Variants in ZFHX3 observed in about 807,000 individuals in gnomAD.
ZFHX3 encodes the protein zinc finger homeobox 3.
In ZFHX3, 42 loss-of-function variants were observed where a neutral mutation model predicts 279.1. The observed-to-expected ratio is 0.15, with a 90% confidence interval of 0.12 to 0.19. The LOEUF (loss-of-function observed/expected upper bound fraction) is 0.19, where lower values mean the gene tolerates loss of function less well. ZFHX3 is among the 10% of genes least tolerant of loss of function. The pLI is 1.00. For missense variants in ZFHX3, 4,981 were observed against 4,754.0 expected, an observed-to-expected ratio of 1.05 and a Z score of -1.40; for synonymous variants, 2,293 against 1,957.8, an observed-to-expected ratio of 1.17 and a Z score of -4.52.
chr16:73,584,712 T>C (rs1044598837), intron 2 of ZFHX3, among the ~76,000 whole-genome samples: 4 of 152,174 alleles, frequency 2.6e-5, no homozygotes, highest in Non-Finnish European at 5.9e-5. Flanking sequence ...CCAAAAGCAA[T>C]TGCAACAAAA....
chr16:73,495,623 C>T (rs2143654581), intron 2 of ZFHX3, among the ~76,000 whole-genome samples: 1 of 152,290 alleles, frequency 6.6e-6, no homozygotes, highest in South Asian at 2.1e-4. Flanking sequence ...ACAATCTCAC[C>T]TCAACACGCT....
chr16:73,177,252 T>C (rs1448798739), intron 5 of ZFHX3, among the ~76,000 whole-genome samples: 1 of 152,136 alleles, frequency 6.6e-6, no homozygotes, highest in Non-Finnish European at 1.5e-5. Context: ...AAAATAAAAA[T>C]ATCTTCCATT....
chr16:73,401,953 T>A (rs903202166), intron 3 of ZFHX3: 2 of 152,190 alleles, frequency 1.3e-5, no homozygotes, highest in African/African-American at 4.8e-5. Flanking sequence ...ATCCAGCTTT[T>A]CATAGGCAAG....
intron 5 of ZFHX3, among the ~76,000 whole-genome samples, chr16:73,181,485 G>C (rs910750938): frequency 6.6e-6 from 1 of 152,120 alleles, no homozygotes; most frequent in Non-Finnish European, 1.5e-5. Context: ...TCCTGATAAA[G>C]GGCAGTATAG....
At chr16:72,842,780 C>A (rs1316407614) in intron 4 of ZFHX3, among the ~76,000 whole-genome samples, 1 of 152,016 alleles carries the variant, frequency 6.6e-6, no homozygotes, top group South Asian at 2.1e-4. Flanking sequence ...TATGAGTTGA[C>A]TCAACTACTA....
chr16:73,421,665 A>G (rs2143493243), intron 3 of ZFHX3, among the ~76,000 whole-genome samples: 1 of 152,314 alleles, frequency 6.6e-6, no homozygotes, highest in African/African-American at 2.4e-5. Flanking sequence ...GTGGAGCTCC[A>G]TAAACCTCCT....
At chr16:73,287,182 G>C (rs2014633674) in intron 4 of ZFHX3, among the ~76,000 whole-genome samples, 1 of 148,736 alleles carries the variant, frequency 6.7e-6, no homozygotes, top group South Asian at 2.1e-4. Context: ...GTGGGCCAGT[G>C]TGTGGGTGTG....
rs572969990 is a variant in ZFHX3, at chr16:72,856,388, C to T, written c.3449-26529G>A. Among the ~76,000 whole-genome samples, 6 of 152,312 alleles carry T rather than the reference C, an allele frequency of 3.9e-5. No individual in the cohort carries two copies. In the South Asian group the frequency reaches 6.2e-4, roughly 16 times the overall value. ...AGACCTGGGGGGCTCACGAGGCTTC[C>T]GGTGTTCCCAAGTGAAGAGCTGCGT... On this transcript the variant is annotated intron_variant, in intron 4 of 9. Transcript: ENST00000268489.
At chr16:72,908,244 T>C (rs998514569) in intron 3 of ZFHX3, among the ~76,000 whole-genome samples, 2 of 152,004 alleles carry the variant, frequency 1.3e-5, no homozygotes, top group Non-Finnish European at 2.9e-5. Context: ...AGTGAGAACA[T>C]GGGAATGGGA....
chr16:73,486,434 C>T (rs12446137), intron 2 of ZFHX3, among the ~76,000 whole-genome samples: 10,026 of 142,110 alleles, frequency 0.071, 639 homozygotes, highest in Admixed American at 0.22. Flanking sequence ...TCTTTCCTTG[C>T]TTTGTTTGTG....
chr16:73,542,998 T>C (rs1597375628), intron 2 of ZFHX3, among the ~76,000 whole-genome samples: 2 of 152,280 alleles, frequency 1.3e-5, no homozygotes, highest in East Asian at 3.9e-4. Flanking sequence ...ATGAGCTTTG[T>C]AGTTTTTAAC....
At chr16:72,877,285 C>T (rs556115816) in intron 4 of ZFHX3, among the ~76,000 whole-genome samples, 7 of 152,306 alleles carry the variant, frequency 4.6e-5, no homozygotes, top group Admixed American at 3.9e-4. Context: ...CCTCAAGAAT[C>T]GGATAATGAC....
chr16:73,641,612 G>A (rs376974301), intron 2 of ZFHX3, among the ~76,000 whole-genome samples: 2 of 152,040 alleles, frequency 1.3e-5, no homozygotes, highest in Admixed American at 1.3e-4. Flanking sequence ...AAGATGGGAG[G>A]GGGGACAGAG....
chr16:72,958,718 C>G lies in ZFHX3; in HGVS notation c.1428G>C (p.Glu476Asp), dbSNP rs756686229. The stretch of plus-strand genomic sequence containing the variant: ...CCTCTTCTTCCTCCTCCTCTTCTTC[C>G]TCCTCCTCCTCCGCCTCTTCCTCCT... The part of the protein sequence containing the change: ...EEEEEEAEEE[E>D]EEEEEEEEEE... Residue 476 changes from glutamate (E) to aspartate (D), a missense_variant, in exon 2 of 10, where the codon GAG (glutamate) becomes GAC (aspartate). Coordinates refer to ENST00000268489, the MANE Select transcript of ZFHX3 (RefSeq NM_006885.4). The G allele has an allele frequency of 6.2e-7, 1 of 1,611,782 alleles. No individual in the cohort carries two copies. Among genetic ancestry groups the G allele is most frequent in the Non-Finnish European group, 8.5e-7 (1 of 1,179,024 alleles).
chr16:73,116,645 A>T (rs943525714), intron 7 of ZFHX3, among the ~76,000 whole-genome samples: 1 of 152,128 alleles, frequency 6.6e-6, no homozygotes, highest in African/African-American at 2.4e-5. Flanking sequence ...GCAGCCTTCA[A>T]TGAAGCACTT....
chr16:73,372,358 T>C (rs1337864018), intron 3 of ZFHX3, among the ~76,000 whole-genome samples: 2 of 152,240 alleles, frequency 1.3e-5, no homozygotes, highest in Non-Finnish European at 2.9e-5. Flanking sequence ...GCTCTGCTTA[T>C]TATACATTAG....
intron 7 of ZFHX3, among the ~76,000 whole-genome samples, chr16:73,124,255 C>A (rs1223020895): frequency 2.6e-5 from 4 of 152,134 alleles, no homozygotes; most frequent in African/African-American, 9.7e-5. Flanking sequence ...GATCAAGGCA[C>A]TGGGGACGGC....
intron 1 of ZFHX3, among the ~76,000 whole-genome samples, chr16:73,777,776 G>C (rs1035943953): frequency 1.3e-5 from 2 of 152,122 alleles, no homozygotes; most frequent in Admixed American, 1.3e-4. Flanking sequence ...TCTCCATTTT[G>C]CATGTAAGGA....
At chr16:72,981,294 T>C (rs1962588784) in intron 1 of ZFHX3, among the ~76,000 whole-genome samples, 1 of 152,132 alleles carries the variant, frequency 6.6e-6, no homozygotes, top group Admixed American at 6.5e-5. Context: ...CCTTTATAAG[T>C]GGTAGCTATC....
Sources: gnomAD v4.1 joint callset for allele counts (sites outside exome capture counted in the v4.1 genomes callset) on GRCh38, gnomAD v4.1.1 for gene constraint, MANE v1.5 for transcripts, NCBI Gene and HGNC (gene_info 2026-07-23, HGNC 2026-07-21) for gene names.